The following TRAK1 variants were observed in gnomAD, a reference collection of about 807,000 sequenced individuals.
The protein encoded by TRAK1 is trafficking kinesin-binding protein 1.
In TRAK1, 33 loss-of-function variants were observed where a neutral mutation model predicts 92.1. The observed-to-expected ratio is 0.36, with a 90% CI of 0.27 to 0.48. TRAK1 has a LOEUF of 0.48. Ranked by LOEUF, TRAK1 falls within the 20% of genes least tolerant of loss-of-function variation. The pLI is 0.99. For synonymous variants in TRAK1, 521 were observed against 517.3 expected (o/e 1.01, Z -0.10); for missense variants, 1,123 against 1,257.9 (o/e 0.89, Z 1.62).
intron 1 of TRAK1, among the ~76,000 whole-genome samples, chr3:42,076,711 C>T (rs984533067): frequency 1.3e-5 from 2 of 152,102 alleles, no homozygotes; most frequent in Non-Finnish European, 2.9e-5. Flanking sequence ...TGCCAGGGCT[C>T]ATGTCTAGAA....
rs527691260 is a variant in TRAK1, at chr3:42,224,302, C to T, written c.*565C>T. 1.9e-5 allele frequency: 6 copies of T among 310,126 alleles called. No homozygotes were observed. In the East Asian group the frequency reaches 5.9e-4, roughly 30 times the overall value. The allele number at this position is 310,126 out of a possible 1,614,324, so 19.2% of individuals were successfully genotyped here. A position where few individuals can be genotyped will look rare whatever the true frequency, so the allele number is the denominator to read the frequency against. Reference sequence around the variant, plus strand: ...GGTGGCCCAGCTTCTTCAAGACCTTCACTGCTCTGCCTCAGTGGACAGTCG... The same window carrying T: ...GGTGGCCCAGCTTCTTCAAGACCTTTACTGCTCTGCCTCAGTGGACAGTCG... On this transcript the variant is annotated 3_prime_UTR_variant, in exon 16 of 16. Coordinates refer to ENST00000327628, the MANE Select transcript of TRAK1 (RefSeq NM_001042646.3).
intron 14 of TRAK1, chr3:42,217,859 T>G (rs1440222657): frequency 1.0e-6 from 1 of 985,440 alleles, no homozygotes; most frequent in African/African-American, 1.7e-5. Context: ...TTACTCCATT[T>G]TTGTTTTGCT....
chr3:42,106,423 C>T (rs1424449447), intron 1 of TRAK1, among the ~76,000 whole-genome samples: 1 of 151,896 alleles, frequency 6.6e-6, no homozygotes, highest in Non-Finnish European at 1.5e-5. Flanking sequence ...TCAAAAGAGA[C>T]AAAGAAGGCC....
intron 1 of TRAK1, among the ~76,000 whole-genome samples, chr3:42,044,082 T>C (rs1702665590): frequency 6.6e-6 from 1 of 152,242 alleles, no homozygotes; most frequent in Admixed American, 6.5e-5. Context: ...ATCTTAAAAC[T>C]GATTTTGGAA....
intron 2 of TRAK1, among the ~76,000 whole-genome samples, chr3:42,133,403 C>G (rs887827919): frequency 6.6e-6 from 1 of 152,106 alleles, no homozygotes; most frequent in Non-Finnish European, 1.5e-5. Flanking sequence ...TATTATTTCT[C>G]GAGACTGGGT....
intron 2 of TRAK1, chr3:42,160,563 G>GT (rs1394896843): frequency 0.094 from 90,930 of 972,078 alleles, 243 homozygotes; most frequent in East Asian, 0.26. Context: ...GCACTGTTTT[G>GT]TTTTTGTTTT....
In TRAK1 at chr3:42,202,982, C is replaced by A; in HGVS notation, c.1744+230C>A. ...TGCACACATAGGCCATGAAACTCGCCGAGGAAAGACAAGCATGTGCACTGT... is the reference window on the plus strand; with the variant it reads ...TGCACACATAGGCCATGAAACTCGCAGAGGAAAGACAAGCATGTGCACTGT... On this transcript the variant is annotated intron_variant, in intron 13 of 15. Transcript: ENST00000327628. This position sits in a 1 kb window ranked among gnomAD's most constrained non-coding sequence, Gnocchi z 6.1. 1 of 1,328,964 alleles carries A rather than the reference C, an allele frequency of 7.5e-7. No homozygotes were observed. The allele number at this position is 1,328,964 out of a possible 1,614,324, so 82.3% of individuals were successfully genotyped here.
chr3:42,209,397 C>T (rs1282953301), intron 13 of TRAK1, among the ~76,000 whole-genome samples: 1 of 152,210 alleles, frequency 6.6e-6, no homozygotes, highest in East Asian at 1.9e-4. Context: ...CTTATCTTGC[C>T]ATTTTCCCCC....
Position 42,030,372 on chromosome 3 carries a change from A to AAAATATAT in TRAK1, c.-519+16256_-519+16257insAATATATA, listed in dbSNP as rs540353037. Among the ~76,000 whole-genome samples the AAAATATAT allele has an allele frequency of 1.5e-3, 193 of 132,300 alleles. 1 individual carries two copies. The highest frequency in any genetic ancestry group is 7.6e-3 in the Middle Eastern group (2 of 262). 86.8% of individuals were successfully genotyped at this position (132,300 alleles called of 152,430 possible). A position where few individuals can be genotyped will look rare whatever the true frequency, so the allele number is the denominator to read the frequency against. ...GCGAGACCCTGTCTCTAAAAAAAAA[A>AAAATATAT]ATATATATATATATATATGGCCGGG... On this transcript the variant is annotated intron_variant, in intron 1 of 16. Coordinates refer to the TRAK1 transcript ENST00000487159.
intron 2 of TRAK1, among the ~76,000 whole-genome samples, chr3:42,171,119 A>G (rs1472340012): frequency 6.6e-6 from 1 of 151,998 alleles, no homozygotes; most frequent in Non-Finnish European, 1.5e-5. Context: ...GTGGCCCTGA[A>G]TATCTTTTCT....
At chr3:42,166,324 G>C (rs1701859987) in intron 2 of TRAK1, among the ~76,000 whole-genome samples, 1 of 149,704 alleles carries the variant, frequency 6.7e-6, no homozygotes, top group African/African-American at 2.6e-5. Context: ...ACTCTTAACA[G>C]AGTGCCAGGC....
At chr3:42,049,516 A>G (rs1702897418) in intron 1 of TRAK1, among the ~76,000 whole-genome samples, 1 of 151,842 alleles carries the variant, frequency 6.6e-6, no homozygotes, top group Non-Finnish European at 1.5e-5. Flanking sequence ...AGAAGTTTAT[A>G]TTCTTTATTT....
At chr3:42,084,267 C>T (rs182712486), upstream of TRAK1, among the ~76,000 whole-genome samples, 245 of 152,166 alleles carry the variant, frequency 1.6e-3, no homozygotes, top group Non-Finnish European at 2.6e-3. Flanking sequence ...TCTGCATTCA[C>T]TAATCTTTTC....
At chr3:42,194,026 C>A in intron 9 of TRAK1, 128 bp downstream of exon 9, 2 of 904,944 alleles carry the variant, frequency 2.2e-6, no homozygotes, top group Non-Finnish European at 3.3e-6. Flanking sequence ...CATTTTTATT[C>A]GTGGGAGAGT....
At chr3:42,194,695 G>C in intron 9 of TRAK1, 109 bp from the exon 10 acceptor site, 1 of 1,358,044 alleles carries the variant, frequency 7.4e-7, no homozygotes, top group Non-Finnish European at 1.0e-6. Flanking sequence ...GGTTCCACAC[G>C]TGCTGGGGAC....
intron 1 of TRAK1, among the ~76,000 whole-genome samples, chr3:42,063,914 A>C (rs1388525163): frequency 6.6e-6 from 1 of 152,164 alleles, no homozygotes; most frequent in Non-Finnish European, 1.5e-5. Context: ...GTAACTTTTA[A>C]AATTGAGTCT....
At chr3:42,016,814 A>G (rs185822629) in intron 1 of TRAK1, among the ~76,000 whole-genome samples, 8 of 152,318 alleles carry the variant, frequency 5.3e-5, no homozygotes, top group Non-Finnish European at 7.3e-5. Context: ...GAGGGCGAAC[A>G]GTCATTTAAA....
At chr3:42,013,394 T>C (rs1039132728), upstream of TRAK1, among the ~76,000 whole-genome samples, 1 of 152,016 alleles carries the variant, frequency 6.6e-6, no homozygotes, top group Non-Finnish European at 1.5e-5. The surrounding 1 kb of genome is among the most constrained non-coding windows in gnomAD (Gnocchi z 5.1). Context: ...GGGAGGGATG[T>C]GATCAGCTTT....
intron 14 of TRAK1, chr3:42,211,491 G>T (rs1419830455): frequency 1.0e-6 from 1 of 985,298 alleles, no homozygotes; most frequent in Non-Finnish European, 1.2e-6. Context: ...TTTGTCATCA[G>T]CACCAGTGTC....
Sources: allele counts gnomAD v4.1 joint callset (sites outside exome capture counted in the v4.1 genomes callset), GRCh38; gene constraint gnomAD v4.1.1; non-coding constraint Gnocchi (gnomAD v3.1); transcripts MANE v1.5; gene names NCBI Gene and HGNC (gene_info 2026-07-23, HGNC 2026-07-21).